IGF2BP3: variants seen among roughly 807,000 people sequenced by gnomAD.
IGF2BP3 encodes insulin-like growth factor 2 mRNA-binding protein 3.
Under a neutral mutation model 73.8 loss-of-function variants are expected in IGF2BP3, and 9 were observed. The observed-to-expected ratio is 0.12, with a 90% confidence interval of 0.07 to 0.21. IGF2BP3 has a LOEUF of 0.21. Ranked by LOEUF, IGF2BP3 falls within the 10% of genes least tolerant of loss-of-function variation. The pLI, the probability that IGF2BP3 is intolerant of heterozygous loss-of-function variation, is 1.00. For missense variants in IGF2BP3, 542 were observed against 714.0 expected (o/e 0.76, Z 2.75); for synonymous variants, 258 against 256.7 (o/e 1.01, Z -0.05).
At chr7:23,365,215 A>G (rs1236437804) in intron 3 of IGF2BP3, among the ~76,000 whole-genome samples, 1 of 152,186 alleles carries the variant, frequency 6.6e-6, no homozygotes, top group Non-Finnish European at 1.5e-5. Flanking sequence ...GTAGAGCTTT[A>G]TAGCAACTTG....
At chr7:23,460,197 C>CAAA (rs61675193) in intron 2 of IGF2BP3, among the ~76,000 whole-genome samples, 1 of 113,326 alleles carries the variant, frequency 8.8e-6, no homozygotes, top group Non-Finnish European at 1.8e-5. Flanking sequence ...AAAAAAAAAA[C>CAAA]AAAAACGAAA....
chr7:23,434,402 A>G (rs1787760030), intron 2 of IGF2BP3, among the ~76,000 whole-genome samples: 1 of 152,194 alleles, frequency 6.6e-6, no homozygotes. Flanking sequence ...ACCACCCCAA[A>G]GCTTGAAGAC....
intron 3 of IGF2BP3, chr7:23,405,194 A>G (rs1389480431): frequency 6.6e-6 from 1 of 152,242 alleles, no homozygotes; most frequent in African/African-American, 2.4e-5. Context: ...TTTGAAATTT[A>G]AAAGGCATCA....
chr7:23,466,315 G>A (rs1164235389), intron 2 of IGF2BP3, among the ~76,000 whole-genome samples: 5 of 152,156 alleles, frequency 3.3e-5, no homozygotes, highest in African/African-American at 9.7e-5. Flanking sequence ...GAGCCACTGC[G>A]CCCAGCCAAA....
chr7:23,463,920 A>C (rs916028736), intron 2 of IGF2BP3, among the ~76,000 whole-genome samples: 4 of 152,230 alleles, frequency 2.6e-5, no homozygotes, highest in Non-Finnish European at 4.4e-5. Flanking sequence ...AAGATAACCT[A>C]GTTTATAATT....
chr7:23,459,253 T>G (rs1182759887), intron 2 of IGF2BP3, among the ~76,000 whole-genome samples: 3 of 152,170 alleles, frequency 2.0e-5, no homozygotes, highest in Non-Finnish European at 4.4e-5. Context: ...TTGGTCACTA[T>G]TGTGACCAAA....
chr7:23,417,830 A>G (rs1787236130), intron 3 of IGF2BP3, among the ~76,000 whole-genome samples: 1 of 152,212 alleles, frequency 6.6e-6, no homozygotes, highest in Admixed American at 6.5e-5. Flanking sequence ...TCTATAAAGT[A>G]TATTTTTAGT....
intron 3 of IGF2BP3, among the ~76,000 whole-genome samples, chr7:23,401,823 G>C (rs1786674913): frequency 6.6e-6 from 1 of 151,770 alleles, no homozygotes; most frequent in Non-Finnish European, 1.5e-5. Context: ...GTCTAGGCCG[G>C]GCACGGTGGC....
At chr7:23,436,531 C>T (rs1253608526) in intron 2 of IGF2BP3, among the ~76,000 whole-genome samples, 1 of 152,118 alleles carries the variant, frequency 6.6e-6, no homozygotes, top group African/African-American at 2.4e-5. Flanking sequence ...CTAGAAGTCA[C>T]CATCGACACA....
intron 2 of IGF2BP3, among the ~76,000 whole-genome samples, chr7:23,433,399 G>A (rs1477800588): frequency 6.6e-6 from 1 of 151,778 alleles, no homozygotes. Flanking sequence ...TACAGATGTT[G>A]AAGATTCAAT....
chr7:23,437,354 G>C (rs1292203007), intron 2 of IGF2BP3, among the ~76,000 whole-genome samples: 5 of 151,816 alleles, frequency 3.3e-5, no homozygotes. Flanking sequence ...ATGGTGGCAG[G>C]CACCTGTAAT....
At chr7:23,319,402 T>TA (rs1784076824) in intron 10 of IGF2BP3, 148 bp from the exon 11 acceptor site, 1 of 622,188 alleles carries the variant, frequency 1.6e-6, no homozygotes, top group Admixed American at 2.6e-5. Context: ...GACCAGACCT[T>TA]ACCTAATAGG....
intron 3 of IGF2BP3, among the ~76,000 whole-genome samples, chr7:23,386,024 T>C (rs1321659725): frequency 1.3e-5 from 2 of 152,204 alleles, no homozygotes; most frequent in African/African-American, 4.8e-5. Flanking sequence ...CTAATGAAAT[T>C]ACTTATCTAA....
chr7:23,376,703 C>T (rs1793714888), intron 3 of IGF2BP3, among the ~76,000 whole-genome samples: 1 of 151,868 alleles, frequency 6.6e-6, no homozygotes, highest in Non-Finnish European at 1.5e-5. Context: ...CCCATCTCTA[C>T]AAAAAATACA....
At chr7:23,405,667 G>A (rs550478125) in intron 3 of IGF2BP3, among the ~76,000 whole-genome samples, 38 of 152,180 alleles carry the variant, frequency 2.5e-4, no homozygotes, top group African/African-American at 4.8e-5. Context: ...CTGCGCACGC[G>A]AGGGATCTAG....
intron 2 of IGF2BP3, among the ~76,000 whole-genome samples, chr7:23,452,672 G>T (rs1360697398): frequency 1.3e-5 from 2 of 150,754 alleles, no homozygotes; most frequent in East Asian, 3.9e-4. Flanking sequence ...GCAAGTGGTG[G>T]GCACCTGTAA....
chr7:23,459,957 A>T (rs1269778246), intron 2 of IGF2BP3, among the ~76,000 whole-genome samples: 1 of 151,666 alleles, frequency 6.6e-6, no homozygotes, highest in Non-Finnish European at 1.5e-5. Flanking sequence ...GGCCAGGCAC[A>T]GTAGTTCACG....
intron 3 of IGF2BP3, chr7:23,415,299 A>C: frequency 4.2e-6 from 1 of 236,372 alleles, no homozygotes; most frequent in Non-Finnish European, 8.3e-6. Context: ...AGTCAGCATC[A>C]CCACATCCGC....
chr7:23,370,880 T>C (rs1251957439), intron 3 of IGF2BP3, among the ~76,000 whole-genome samples: 1 of 151,862 alleles, frequency 6.6e-6, no homozygotes, highest in African/African-American at 2.4e-5. Flanking sequence ...AGTTTTGCCA[T>C]GTTGGCCAGG....
Sources: gnomAD v4.1 joint callset for allele counts (sites outside exome capture counted in the v4.1 genomes callset) on GRCh38, gnomAD v4.1.1 for gene constraint, MANE v1.5 for transcripts, NCBI Gene and HGNC (gene_info 2026-07-23, HGNC 2026-07-21) for gene names.